LMNTD1: variants seen among roughly 807,000 people sequenced by gnomAD.
The protein encoded by LMNTD1 is lamin tail domain containing 1.
A neutral mutation model predicts 50.9 loss-of-function variants in LMNTD1; 35 were observed. The observed-to-expected ratio is 0.69, with a 90% CI of 0.53 to 0.91. The LOEUF is 0.91. Ranked by LOEUF, LMNTD1 falls within the 40% of genes least tolerant of loss-of-function variation. The pLI, the probability that LMNTD1 is intolerant of heterozygous loss-of-function variation, is 0.00. For missense variants in LMNTD1, 470 were observed against 475.5 expected, an observed-to-expected ratio of 0.99 and a Z score of 0.11; for synonymous variants, 153 against 161.9, an observed-to-expected ratio of 0.94 and a Z score of 0.42.
At chr12:25,477,454 G>A (rs1038378120) in intron 9 of LMNTD1, among the ~76,000 whole-genome samples, 6 of 152,116 alleles carry the variant, frequency 3.9e-5, no homozygotes, top group African/African-American at 1.4e-4. Context: ...CTGAGAGAAA[G>A]GAGAGGATGG....
chr12:25,525,549 A>T (rs1467914073), intron 6 of LMNTD1, among the ~76,000 whole-genome samples: 1 of 152,192 alleles, frequency 6.6e-6, no homozygotes, highest in Non-Finnish European at 1.5e-5. Flanking sequence ...AAAGTTGAAG[A>T]GGCTTCTTAG....
chr12:25,615,502 C>G (rs1946336486), intron 1 of LMNTD1, among the ~76,000 whole-genome samples: 1 of 151,876 alleles, frequency 6.6e-6, no homozygotes, highest in Admixed American at 6.6e-5. Context: ...ACTCTTGTCG[C>G]CCAGGTTGCA....
intron 9 of LMNTD1, among the ~76,000 whole-genome samples, chr12:25,498,664 G>GT (rs1374483655): frequency 6.6e-6 from 1 of 152,148 alleles, no homozygotes; most frequent in Non-Finnish European, 1.5e-5. Context: ...TTTGACCAAT[G>GT]TTTTTTTCTC....
rs199593838 is a variant in LMNTD1 at position 25,496,676 on chromosome 12, A to AT, written c.*22+7061dup. 1.7e-3 allele frequency among the ~76,000 whole-genome samples: 257 copies of AT among 152,240 alleles called. 3 individuals are homozygous for AT. In the East Asian group the frequency reaches 0.026, roughly 15 times the overall value. ...CTCAGAGGCTTGAGACTAGAATATG[A>AT]TTTTCTTCCATCTTGGAAATACTAG... On this transcript the variant is annotated intron_variant, in intron 9 of 9. Transcript: ENST00000458174.
In LMNTD1 at chr12:25,504,212, G is replaced by A. The variant is rs145304692; in HGVS notation, c.1190-412C>T. On this transcript the variant is annotated intron_variant, in intron 8 of 9. Coordinates refer to ENST00000458174, the MANE Select transcript of LMNTD1 (RefSeq NM_001145728.2). Reference sequence around the variant, plus strand: ...TCAAATGCTTTCTATATGTAGAACTGCCATAACGACAAAGTAGCTAGGGGA... The same window carrying A: ...TCAAATGCTTTCTATATGTAGAACTACCATAACGACAAAGTAGCTAGGGGA... Among the ~76,000 whole-genome samples, 856 of 152,242 alleles carry A rather than the reference G, an allele frequency of 5.6e-3. 4 individuals are homozygous for A. The highest frequency in any genetic ancestry group is 7.9e-3 in the South Asian group (38 of 4,830).
chr12:25,555,444 A>G (rs1191851707), upstream of LMNTD1, among the ~76,000 whole-genome samples: 3 of 152,218 alleles, frequency 2.0e-5, no homozygotes, highest in Non-Finnish European at 4.4e-5. Flanking sequence ...GAAATTTAAA[A>G]GACACTTTTT....
chr12:25,498,686 A>C (rs1424428994), intron 9 of LMNTD1, among the ~76,000 whole-genome samples: 1 of 152,230 alleles, frequency 6.6e-6, no homozygotes, highest in African/African-American at 2.4e-5. Context: ...ACTGCTTAGA[A>C]AACAAATACT....
At chr12:25,543,065 C>T (rs1943204158) in intron 4 of LMNTD1, among the ~76,000 whole-genome samples, 1 of 151,876 alleles carries the variant, frequency 6.6e-6, no homozygotes, top group Non-Finnish European at 1.5e-5. Context: ...CAAAAACTAC[C>T]CAAGCTTATT....
chr12:25,594,704 T>C (rs992044700), intron 1 of LMNTD1, among the ~76,000 whole-genome samples: 5 of 131,496 alleles, frequency 3.8e-5, no homozygotes, highest in Admixed American at 2.3e-4. Context: ...ACAAATAGCA[T>C]GGTGAATGGA....
At chr12:25,526,287 C>A in intron 5 of LMNTD1, 69 bp from the exon 6 acceptor site, 3 of 1,433,832 alleles carry the variant, frequency 2.1e-6, no homozygotes, top group Non-Finnish European at 2.9e-6. Flanking sequence ...CATAGGGTTA[C>A]TCCAACATAA....
chr12:25,640,874 A>C (rs1301800116), intron 1 of LMNTD1, among the ~76,000 whole-genome samples: 1 of 152,086 alleles, frequency 6.6e-6, no homozygotes, highest in East Asian at 1.9e-4. Flanking sequence ...TCACTGTGTT[A>C]GCCAGGATGG....
intron 1 of LMNTD1, among the ~76,000 whole-genome samples, chr12:25,587,607 G>GC (rs1251086988): frequency 6.6e-6 from 1 of 152,180 alleles, no homozygotes; most frequent in African/African-American, 2.4e-5. Flanking sequence ...TGAGAAATCT[G>GC]CCCCCCATGA....
chr12:25,536,062 T>C (rs1052573334), intron 4 of LMNTD1, among the ~76,000 whole-genome samples: 3 of 152,084 alleles, frequency 2.0e-5, no homozygotes, highest in African/African-American at 7.2e-5. Context: ...CTACATCTAA[T>C]AACAAAGCTT....
At chr12:25,500,349 A>C (rs886768645) in intron 9 of LMNTD1, among the ~76,000 whole-genome samples, 1 of 152,136 alleles carries the variant, frequency 6.6e-6, no homozygotes, top group African/African-American at 2.4e-5. Context: ...CTGTTATAAA[A>C]ACTTCTTGTC....
chr12:25,542,045 T>C (rs929751981), intron 4 of LMNTD1, among the ~76,000 whole-genome samples: 6 of 151,380 alleles, frequency 4.0e-5, no homozygotes, highest in Admixed American at 1.3e-4. Context: ...CCAGTTAGAA[T>C]GGCAATCATT....
chr12:25,623,882 G>A (rs1027386390), intron 1 of LMNTD1, among the ~76,000 whole-genome samples: 2 of 152,148 alleles, frequency 1.3e-5, no homozygotes, highest in East Asian at 1.9e-4. Flanking sequence ...GCCAGCTTTG[G>A]ATCTGACTGC....
At chr12:25,560,613 G>A (rs1047046509) in intron 1 of LMNTD1, among the ~76,000 whole-genome samples, 1 of 152,100 alleles carries the variant, frequency 6.6e-6, no homozygotes, top group African/African-American at 2.4e-5. Flanking sequence ...GGATGGCATT[G>A]AATCTATAAA....
chr12:25,498,575 G>T (rs1359865818), intron 9 of LMNTD1, among the ~76,000 whole-genome samples: 1 of 152,164 alleles, frequency 6.6e-6, no homozygotes, highest in African/African-American at 2.4e-5. Context: ...TTGTAGACTT[G>T]ATAGTTGGGT....
intron 9 of LMNTD1, among the ~76,000 whole-genome samples, chr12:25,498,761 A>AT (rs200581435): frequency 0.019 from 2,958 of 152,090 alleles, 65 homozygotes; most frequent in South Asian, 0.05. Flanking sequence ...CTAAGGAATT[A>AT]TTTTTTTTAT....
Sources: gnomAD v4.1 joint callset for allele counts (sites outside exome capture counted in the v4.1 genomes callset) on GRCh38, gnomAD v4.1.1 for gene constraint, MANE v1.5 for transcripts, NCBI Gene and HGNC (gene_info 2026-07-23, HGNC 2026-07-21) for gene names.